The following SLC35F3 variants were observed in gnomAD, a reference collection of about 807,000 sequenced individuals.
SLC35F3 encodes putative thiamine transporter SLC35F3.
A neutral mutation model predicts 49.9 loss-of-function variants in SLC35F3; 25 were observed. That is an observed-to-expected ratio of 0.50 (90% confidence interval 0.37 to 0.70). The LOEUF is 0.70. SLC35F3 is among the 30% of genes least tolerant of loss of function. The pLI, the probability that SLC35F3 is intolerant of heterozygous loss-of-function variation, is 0.00. For synonymous variants in SLC35F3, 275 were observed against 265.4 expected, an observed-to-expected ratio of 1.04 and a Z score of -0.35; for missense variants, 525 against 639.8, an observed-to-expected ratio of 0.82 and a Z score of 1.94.
chr1:234,092,874 A>G (rs1253207878), intron 2 of SLC35F3, among the ~76,000 whole-genome samples: 2 of 152,228 alleles, frequency 1.3e-5, no homozygotes, highest in East Asian at 3.8e-4. Context: ...TCTCTAAAAA[A>G]GAAAATTAAA....
At chr1:234,256,425 T>C (rs1667822638) in intron 3 of SLC35F3, among the ~76,000 whole-genome samples, 1 of 152,072 alleles carries the variant, frequency 6.6e-6, no homozygotes, top group African/African-American at 2.4e-5. Flanking sequence ...AGGACAAACC[T>C]CCTTATATCC....
At chr1:234,068,849 A>ATATATATATG (rs1351192404) in intron 2 of SLC35F3, among the ~76,000 whole-genome samples, 3 of 130,424 alleles carry the variant, frequency 2.3e-5, no homozygotes, top group Non-Finnish European at 3.2e-5. Flanking sequence ...ATATATATAT[A>ATATATATATG]TATATATGGC....
chr1:233,937,024 G>A (rs1245333629), intron 2 of SLC35F3, among the ~76,000 whole-genome samples: 1 of 152,130 alleles, frequency 6.6e-6, no homozygotes, highest in East Asian at 1.9e-4. Context: ...GACATTTTGT[G>A]ATAACAAGAC....
chr1:234,086,664 A>G (rs1425423168), intron 2 of SLC35F3, among the ~76,000 whole-genome samples: 2 of 152,218 alleles, frequency 1.3e-5, no homozygotes, highest in African/African-American at 2.4e-5. Flanking sequence ...ATGTTGTTGT[A>G]GATAATTAAA....
rs538899431 is a variant in SLC35F3 at position 234,027,212 on chromosome 1, G to A, written c.283+121454G>A. ...GCAGCTCTGTCTCCCACCACCACAC[G>A]CTTGATGGCCTGCATCTGGGCTGCT... On this transcript the variant is annotated intron_variant, in intron 2 of 7. Transcript: ENST00000366618. This position sits in a 1 kb window ranked among gnomAD's most constrained non-coding sequence, Gnocchi z 4.1. 127 of 156,730 alleles carry A rather than the reference G, an allele frequency of 8.1e-4. 1 individual carries two copies. Among genetic ancestry groups the A allele is most frequent in the African/African-American group, 3.0e-3 (125 of 41,676 alleles). 9.7% of individuals were successfully genotyped at this position (156,730 alleles called of 1,614,324 possible).
rs34256875 is a variant in SLC35F3, at chr1:234,119,299, ATT to A, written c.284-112103_284-112102del. 2.1e-3 allele frequency among the ~76,000 whole-genome samples: 295 copies of A among 140,196 alleles called. 1 individual carries two copies. Among genetic ancestry groups the A allele is most frequent in the Admixed American group, 7.1e-3 (100 of 14,108 alleles). The allele number at this position is 140,196 out of a possible 152,430, so 92.0% of individuals were successfully genotyped here. On this transcript the variant is annotated intron_variant, in intron 2 of 7. Transcript: ENST00000366618. The stretch of plus-strand genomic sequence containing the variant: ...TTATAGGGCCTCTCAATTCATGGTG[ATT>A]TTTTTTTTTTTTTTCTGAAAGCGTT...
chr1:234,245,975 G>A (rs1172115543), intron 3 of SLC35F3, among the ~76,000 whole-genome samples: 11 of 152,150 alleles, frequency 7.2e-5, no homozygotes, highest in Non-Finnish European at 7.3e-5. Context: ...AGTTTCAAGG[G>A]GGAGGGGGAC....
At chr1:234,023,352 G>T (rs532583995) in intron 2 of SLC35F3, among the ~76,000 whole-genome samples, 5 of 152,116 alleles carry the variant, frequency 3.3e-5, no homozygotes, top group Non-Finnish European at 1.5e-5. Context: ...CATTGATGAG[G>T]GTATGTCGTG....
chr1:234,027,507 C>T lies in SLC35F3; in HGVS notation c.283+121749C>T, dbSNP rs1663996179. Among the ~76,000 whole-genome samples the T allele has an allele frequency of 2.6e-5, 4 of 152,094 alleles. No homozygotes were observed. The highest frequency in any genetic ancestry group is 2.1e-4 in the South Asian group (1 of 4,818). ...GATTAACTTTCAATTTCAGTCCATT[C>T]GGTAGTGGTTTAAAGAATGGAGAGT... On this transcript the variant is annotated intron_variant, in intron 2 of 7. Transcript: ENST00000366618. This position sits in a 1 kb window ranked among gnomAD's most constrained non-coding sequence, Gnocchi z 4.1.
intron 2 of SLC35F3, among the ~76,000 whole-genome samples, chr1:233,954,027 G>A (rs1242152061): frequency 6.3e-5 from 9 of 142,920 alleles, no homozygotes; most frequent in Admixed American, 3.5e-4. Context: ...TTTTTTTTGA[G>A]ACGGAGTCTC....
At chr1:234,069,926 C>G (rs1210854529) in intron 2 of SLC35F3, among the ~76,000 whole-genome samples, 2 of 152,080 alleles carry the variant, frequency 1.3e-5, no homozygotes, top group Non-Finnish European at 2.9e-5. Flanking sequence ...TGGAGGATAC[C>G]CTTCATTCTT....
intron 2 of SLC35F3, among the ~76,000 whole-genome samples, chr1:233,924,882 C>T (rs565281365): frequency 5.9e-5 from 9 of 152,310 alleles, no homozygotes; most frequent in South Asian, 2.1e-4. Flanking sequence ...GCCTTCATTT[C>T]GTTGTTTACC....
intron 3 of SLC35F3, among the ~76,000 whole-genome samples, chr1:234,237,692 G>C (rs558889338): frequency 1.2e-4 from 18 of 152,292 alleles, no homozygotes; most frequent in Admixed American, 9.8e-4. Context: ...TCCTAGGAGA[G>C]AGATAGTGCT....
chr1:233,986,500 A>G (rs531838015), intron 2 of SLC35F3, among the ~76,000 whole-genome samples: 2 of 152,314 alleles, frequency 1.3e-5, no homozygotes, highest in African/African-American at 2.4e-5. Context: ...GCTATAGCAT[A>G]TATGTATATG....
At chr1:234,176,236 A>G (rs1416092621) in intron 2 of SLC35F3, among the ~76,000 whole-genome samples, 1 of 152,162 alleles carries the variant, frequency 6.6e-6, no homozygotes, top group Non-Finnish European at 1.5e-5. Flanking sequence ...CCCCATTCTT[A>G]CCCAAAGAGG....
intron 2 of SLC35F3, among the ~76,000 whole-genome samples, chr1:234,030,392 A>T (rs2199073): frequency 0.25 from 37,678 of 152,022 alleles, 9,604 homozygotes; most frequent in African/African-American, 0.64. Context: ...CTCACAGCTC[A>T]TTCAGTACAG....
Position 234,243,981 on chromosome 1 carries a change from G to A in SLC35F3, c.608+12240G>A, listed in dbSNP as rs978773340. Among the ~76,000 whole-genome samples, 7 of 152,218 alleles carry A rather than the reference G, an allele frequency of 4.6e-5. No homozygotes were observed. In the South Asian group the frequency reaches 1.0e-3, roughly 23 times the overall value. On this transcript the variant is annotated intron_variant, in intron 3 of 7. Coordinates refer to ENST00000366618, the MANE Select transcript of SLC35F3 (RefSeq NM_173508.4). ...CTTCAAGGGATTGCATAGCTGCAAG[G>A]TGGGAGAAGGCTCACCAACGGGTGA...
At chr1:234,238,959 T>G (rs77777505) in intron 3 of SLC35F3, among the ~76,000 whole-genome samples, 1 of 152,174 alleles carries the variant, frequency 6.6e-6, no homozygotes, top group Admixed American at 6.5e-5. Context: ...TCAATTTCAC[T>G]GAAATTCTTT....
rs551417379 is a variant in SLC35F3, at chr1:234,234,414, C to T, written c.608+2673C>T. 3.3e-5 allele frequency among the ~76,000 whole-genome samples: 5 copies of T among 152,284 alleles called. No individual in the cohort carries two copies. The East Asian group carries it at 9.6e-4, about 29-fold the overall frequency. On this transcript the variant is annotated intron_variant, in intron 3 of 7. Transcript: ENST00000366618. ...GCATGTGTTCCCCAGCACAGAGCTC[C>T]GCAACCTGCAACGCCCTGTGAGGCT...
Sources: gnomAD v4.1 joint callset for allele counts (sites outside exome capture counted in the v4.1 genomes callset) on GRCh38, gnomAD v4.1.1 for gene constraint, Gnocchi (gnomAD v3.1) non-coding constraint, MANE v1.5 for transcripts, NCBI Gene and HGNC (gene_info 2026-07-23, HGNC 2026-07-21) for gene names.